Variants in SNX29 observed in about 807,000 individuals in gnomAD.
SNX29 encodes sorting nexin-29.
Under a neutral mutation model 102.1 loss-of-function variants are expected in SNX29, and 78 were observed. That is an observed-to-expected ratio of 0.76 (90% CI 0.64 to 0.92). SNX29 has a LOEUF of 0.92. SNX29 is among the 40% of genes least tolerant of loss of function. SNX29 has a pLI of 0.00. For missense variants in SNX29, 1,280 were observed against 1,061.7 expected (o/e 1.21, Z -2.86); for synonymous variants, 580 against 414.5 (o/e 1.40, Z -4.85).
intron 18 of SNX29, among the ~76,000 whole-genome samples, chr16:12,426,728 C>T (rs557497861): frequency 1.6e-4 from 25 of 152,296 alleles, no homozygotes; most frequent in East Asian, 9.6e-4. Context: ...TGCAGTGGCG[C>T]GATCTCAGCT....
intron 15 of SNX29, among the ~76,000 whole-genome samples, chr16:12,288,076 C>T (rs970801896): frequency 2.0e-5 from 3 of 152,130 alleles, no homozygotes; most frequent in Admixed American, 6.6e-5. Flanking sequence ...TGGTCCCAGC[C>T]ACTCAGGAAG....
chr16:12,081,621 C>G (rs576658561), intron 11 of SNX29: 1 of 129,708 alleles, frequency 7.7e-6, no homozygotes, highest in Non-Finnish European at 1.6e-5. Context: ...TGCAGTGAGC[C>G]GAGATGGCGA....
chr16:12,391,173 T>TG (rs2083516213), intron 16 of SNX29, among the ~76,000 whole-genome samples: 1 of 152,138 alleles, frequency 6.6e-6, no homozygotes. Context: ...CTTAGACTCC[T>TG]GGGCCCAAGC....
intron 20 of SNX29, among the ~76,000 whole-genome samples, chr16:12,567,109 G>T (rs561527133): frequency 1.2e-4 from 19 of 152,350 alleles, no homozygotes; most frequent in African/African-American, 4.3e-4. Context: ...CTTTATGAAT[G>T]CAAGTCTCTT....
intron 19 of SNX29, among the ~76,000 whole-genome samples, chr16:12,500,858 A>G (rs3902079): frequency 0.14 from 21,259 of 152,186 alleles, 1,581 homozygotes; most frequent in East Asian, 0.25. Context: ...GACCCTTCCA[A>G]TGAGACCCTT....
At position 12,570,169 on chromosome 16, in the gene SNX29, C is replaced by A. The variant is rs915225694; in HGVS notation, c.*1540C>A. On this transcript the variant is annotated 3_prime_UTR_variant, in exon 21 of 21. Coordinates refer to ENST00000566228, the MANE Select transcript of SNX29 (RefSeq NM_032167.5). ...CACTCACACACAGCGCCCCCCCACC[C>A]CAGAGAAACCGAGTCAGCCTACATG... 9.4e-7 allele frequency: 1 copy of A among 1,065,400 alleles called. No individual in the cohort carries two copies. Among genetic ancestry groups the A allele is most frequent in the East Asian group, 5.0e-5 (1 of 20,046 alleles). The allele number at this position is 1,065,400 out of a possible 1,614,324, so 66.0% of individuals were successfully genotyped here.
intron 16 of SNX29, among the ~76,000 whole-genome samples, chr16:12,378,837 G>C (rs1022091890): frequency 2.2e-4 from 33 of 152,272 alleles, no homozygotes; most frequent in African/African-American, 6.7e-4. Flanking sequence ...CATGGAAACA[G>C]CAGTCGCTGC....
At chr16:12,553,737 G>A (rs973255452) in intron 20 of SNX29, among the ~76,000 whole-genome samples, 5 of 151,668 alleles carry the variant, frequency 3.3e-5, no homozygotes, top group South Asian at 2.1e-4. Context: ...ATATGCACAT[G>A]CCACCACCCC....
chr16:12,346,633 C>G lies in SNX29; in HGVS notation c.1783-9530C>G, dbSNP rs560403438. On this transcript the variant is annotated intron_variant, in intron 15 of 20. Coordinates refer to ENST00000566228, the MANE Select transcript of SNX29 (RefSeq NM_032167.5). ...AAGACCCTCACAGCTGCATGAGTGCCTCTTGTGTGTTCTTCTTAAAGGAAC... is the reference window on the plus strand; with the variant it reads ...AAGACCCTCACAGCTGCATGAGTGCGTCTTGTGTGTTCTTCTTAAAGGAAC... 1.9e-3 allele frequency among the ~76,000 whole-genome samples: 294 copies of G among 152,314 alleles called. 2 individuals carry two copies. Among genetic ancestry groups the G allele is most frequent in the African/African-American group, 6.7e-3 (279 of 41,556 alleles).
At position 12,571,286 on chromosome 16, in the gene SNX29, A is replaced by C. The variant is rs1489333190; in HGVS notation, c.*2657A>C. 1.7e-5 allele frequency: 4 copies of C among 232,044 alleles called. No individual in the cohort carries two copies. The highest frequency in any genetic ancestry group is 3.4e-5 in the Non-Finnish European group (4 of 117,354). The allele number at this position is 232,044 out of a possible 1,614,324, so 14.4% of individuals were successfully genotyped here. A position where few individuals can be genotyped will look rare whatever the true frequency, so the allele number is the denominator to read the frequency against. On this transcript the variant is annotated 3_prime_UTR_variant, in exon 21 of 21. Transcript: ENST00000566228. ...GAATTGTGGCTGAAACCTGGTGCCC[A>C]AATTCCACACCCTGGAAATGTGTCA...
chr16:12,181,482 A>G (rs1171075941), intron 13 of SNX29, among the ~76,000 whole-genome samples: 2 of 152,214 alleles, frequency 1.3e-5, no homozygotes, highest in South Asian at 2.1e-4. Flanking sequence ...GCAACCAGAT[A>G]GGCATTCAGC....
In SNX29 at chr16:12,278,953, C is replaced by A. The variant is rs187430487; in HGVS notation, c.1782+917C>A. Among the ~76,000 whole-genome samples, 4 of 151,826 alleles carry A rather than the reference C, an allele frequency of 2.6e-5. No homozygotes were observed. The East Asian group carries it at 7.7e-4, about 29-fold the overall frequency. On this transcript the variant is annotated intron_variant, in intron 15 of 20. Coordinates refer to ENST00000566228, the MANE Select transcript of SNX29 (RefSeq NM_032167.5). ...AAATCATTTTATAACCTTATTGATA[C>A]CTGATTAAAAAAAGGGTAATTCTTG... is the stretch of plus-strand genomic sequence containing the variant.
intron 13 of SNX29, among the ~76,000 whole-genome samples, chr16:12,137,238 G>C (rs2054697804): frequency 6.6e-6 from 1 of 152,224 alleles, no homozygotes; most frequent in African/African-American, 2.4e-5. Flanking sequence ...TAAGCGCTCA[G>C]TGAATGTCAC....
At chr16:12,116,138 C>G (rs1040091441) in intron 11 of SNX29, among the ~76,000 whole-genome samples, 1 of 152,298 alleles carries the variant, frequency 6.6e-6, no homozygotes, top group Non-Finnish European at 1.5e-5. Context: ...TTGTGGGAAA[C>G]AGTTTGGTGG....
At chr16:12,274,749 C>T in intron 14 of SNX29, among the ~76,000 whole-genome samples, 1 of 152,106 alleles carries the variant, frequency 6.6e-6, no homozygotes, top group East Asian at 1.9e-4. Context: ...GTTGCCCAGG[C>T]TTGTATTCTA....
intron 13 of SNX29, among the ~76,000 whole-genome samples, chr16:12,185,806 C>T (rs939942978): frequency 4.6e-5 from 7 of 152,200 alleles, no homozygotes; most frequent in African/African-American, 7.2e-5. Context: ...GTGCAGCAGT[C>T]GCAGTCCCCA....
rs573121869 is a variant in SNX29, at chr16:12,571,445, A to AGT, written c.*2816_*2817insGT. ...TCTAAGATTACTCGGAGATTTTCAA[A>AGT]CAACATCTGAGAACAGAAGCCCCCT... On this transcript the variant is annotated 3_prime_UTR_variant, in exon 21 of 21. Coordinates refer to ENST00000566228, the MANE Select transcript of SNX29 (RefSeq NM_032167.5). The AGT allele has an allele frequency of 4.6e-4, 109 of 238,280 alleles. 1 individual carries two copies. Among genetic ancestry groups the AGT allele is most frequent in the African/African-American group, 2.1e-3 (97 of 45,424 alleles). 14.8% of individuals were successfully genotyped at this position (238,280 alleles called of 1,614,324 possible). A position where few individuals can be genotyped will look rare whatever the true frequency, so the allele number is the denominator to read the frequency against.
At chr16:12,318,334 A>G (rs1401712584) in intron 15 of SNX29, among the ~76,000 whole-genome samples, 2 of 152,110 alleles carry the variant, frequency 1.3e-5, no homozygotes, top group African/African-American at 4.8e-5. Context: ...CGTGACTCAA[A>G]ATTTTCTCTG....
At chr16:12,543,565 G>C (rs1463323950) in intron 20 of SNX29, among the ~76,000 whole-genome samples, 1 of 152,222 alleles carries the variant, frequency 6.6e-6, no homozygotes, top group South Asian at 2.1e-4. Flanking sequence ...TGAGCCACGA[G>C]ATCACGCTTC....
Sources: gnomAD v4.1 joint callset for allele counts (sites outside exome capture counted in the v4.1 genomes callset) on GRCh38, gnomAD v4.1.1 for gene constraint, MANE v1.5 for transcripts, NCBI Gene and HGNC (gene_info 2026-07-23, HGNC 2026-07-21) for gene names.